SCEL: variants seen among roughly 807,000 people sequenced by gnomAD.
SCEL encodes sciellin.
In SCEL, 113 loss-of-function variants were observed where a neutral mutation model predicts 117.6. The ratio of observed to expected loss-of-function variants is 0.96; its 90% CI spans 0.83 to 1.12. SCEL has a LOEUF of 1.12. Ranked by LOEUF, SCEL falls within the 50% of genes most tolerant of loss-of-function variation. The pLI, the probability that SCEL is intolerant of heterozygous loss-of-function variation, is 0.00. For missense variants in SCEL, 785 were observed against 810.8 expected (o/e 0.97, Z 0.39); for synonymous variants, 270 against 256.2 (o/e 1.05, Z -0.51).
At chr13:77,545,286 A>G (rs2083926660) in intron 1 of SCEL, among the ~76,000 whole-genome samples, 1 of 152,206 alleles carries the variant, frequency 6.6e-6, no homozygotes, top group Admixed American at 6.5e-5. Context: ...AGTTAGCTGA[A>G]CTGAGGCTAC....
At position 77,628,019 on chromosome 13, in the gene SCEL, A is replaced by T; in HGVS notation, c.1691+10A>T. On this transcript the variant is annotated intron_variant, in intron 28 of 32. Transcript: ENST00000349847. ...AAAACAAGAATGGAAGGTAAAGCTT[A>T]TTATAATTCACTTTTTTTCTTATGA... is the stretch of plus-strand genomic sequence containing the variant. The T allele has an allele frequency of 7.1e-7, 1 of 1,402,670 alleles. No homozygotes were observed. The highest frequency in any genetic ancestry group is 9.6e-7 in the Non-Finnish European group (1 of 1,037,640). 86.9% of individuals were successfully genotyped at this position (1,402,670 alleles called of 1,614,324 possible). A position where few individuals can be genotyped will look rare whatever the true frequency, so the allele number is the denominator to read the frequency against.
intron 9 of SCEL, among the ~76,000 whole-genome samples, chr13:77,576,802 T>C (rs2154398279): frequency 6.6e-6 from 1 of 152,328 alleles, no homozygotes; most frequent in African/African-American, 2.4e-5. Flanking sequence ...TTGTGTCCTC[T>C]CTGATTTCTT....
At chr13:77,599,266 C>G in intron 13 of SCEL, 63 bp from the exon 14 acceptor site, 1 of 1,185,714 alleles carries the variant, frequency 8.4e-7, no homozygotes, top group South Asian at 1.4e-5. Flanking sequence ...GGTCTATGTT[C>G]TTATAGAGTT....
chr13:77,587,249 T>G (rs2086616587), intron 9 of SCEL, among the ~76,000 whole-genome samples: 1 of 152,054 alleles, frequency 6.6e-6, no homozygotes, highest in African/African-American at 2.4e-5. Context: ...CTCTTGCTGC[T>G]GTGAATGAGC....
rs2083395671 is a variant in SCEL, at chr13:77,535,758, C to G, written c.-86C>G. 1 of 152,148 alleles carries G rather than the reference C, an allele frequency of 6.6e-6. No homozygotes were observed. Among genetic ancestry groups the G allele is most frequent in the African/African-American group, 2.4e-5 (1 of 41,438 alleles). The allele number at this position is 152,148 out of a possible 1,614,324, so 9.4% of individuals were successfully genotyped here. On this transcript the variant is annotated 5_prime_UTR_variant, in exon 1 of 33. Coordinates refer to ENST00000349847, the MANE Select transcript of SCEL (RefSeq NM_144777.3). Reference sequence around the variant, plus strand: ...AACTCTAGGTTCCCATTTCTTTCAGCCAGATCCTCCCAGGGAATCACTACA... The same window carrying G: ...AACTCTAGGTTCCCATTTCTTTCAGGCAGATCCTCCCAGGGAATCACTACA...
chr13:77,543,630 T>C (rs937175052), intron 1 of SCEL, among the ~76,000 whole-genome samples: 1 of 152,224 alleles, frequency 6.6e-6, no homozygotes, highest in African/African-American at 2.4e-5. Flanking sequence ...ATCTCCATTG[T>C]TGCCATCTTT....
Position 77,640,678 on chromosome 13 carries a change from C to T in SCEL, c.1841C>T (p.Ser614Phe), listed in dbSNP as rs2090516361. 6.5e-7 allele frequency: 1 copy of T among 1,542,772 alleles called. No homozygotes were observed. Among genetic ancestry groups the T allele is most frequent in the African/African-American group, 1.4e-5 (1 of 72,722 alleles). ...TTTAATTGCTTACATTTCTATAGGTCTGTCATTGAAAGAGATATGTGCACT... is the reference window on the plus strand; with the variant it reads ...TTTAATTGCTTACATTTCTATAGGTTTGTCATTGAAAGAGATATGTGCACT... ...IQTVYSTSDRSVIERDMCTYC... is the reference protein window; with the variant it reads ...IQTVYSTSDRFVIERDMCTYC... The change falls in exon 31 of 33, where the codon TCT becomes TTT. Residue 614 changes from serine to phenylalanine, a missense_variant and splice_region_variant. Physicochemically the swap from Ser to Phe is radical, Grantham distance 155. Coordinates refer to ENST00000349847, the MANE Select transcript of SCEL (RefSeq NM_144777.3).
chr13:77,573,613 G>A lies in SCEL; in HGVS notation c.545+1424G>A, dbSNP rs17067960. On this transcript the variant is annotated intron_variant, in intron 9 of 32. Transcript: ENST00000349847. ...TGGTCAATAGACACAAAGAGCTCAA[G>A]TTGCTTTTTTTATATCTGTCATTAC... Among the ~76,000 whole-genome samples the A allele has an allele frequency of 0.012, 1,853 of 152,124 alleles. 105 individuals are homozygous for A. In the East Asian group the frequency reaches 0.13, roughly 11 times the overall value.
At chr13:77,640,910 G>A in intron 31 of SCEL, 126 bp downstream of exon 31, 1 of 521,632 alleles carries the variant, frequency 1.9e-6, no homozygotes, top group Admixed American at 3.6e-5. Context: ...CACATTAATA[G>A]TACACTACTT....
At chr13:77,565,576 G>A (rs896981403) in intron 5 of SCEL, among the ~76,000 whole-genome samples, 1 of 152,212 alleles carries the variant, frequency 6.6e-6, no homozygotes, top group African/African-American at 2.4e-5. Flanking sequence ...GTTAGCAGGA[G>A]CTGAACTTCT....
In SCEL at chr13:77,604,389, T is replaced by A. The variant is rs762711600; in HGVS notation, c.1131T>A (p.Asp377Glu). 1.6e-5 allele frequency: 25 copies of A among 1,577,130 alleles called. No homozygotes were observed. In the South Asian group the frequency reaches 2.5e-4, roughly 16 times the overall value. Reference protein sequence around the residue: ...KKDLDGLIKVDPETNKNITRG... With the variant: ...KKDLDGLIKVEPETNKNITRG... ...ACCTTGATGGGCTTATTAAAGTGGATCCTGAAACAAATAAAAATATTACGA... is the reference window on the plus strand; with the variant it reads ...ACCTTGATGGGCTTATTAAAGTGGAACCTGAAACAAATAAAAATATTACGA... Residue 377 changes from aspartate (D) to glutamate (E), a missense_variant, in exon 19 of 33, where the codon GAT (aspartate) becomes GAA (glutamate). Coordinates refer to ENST00000349847, the MANE Select transcript of SCEL (RefSeq NM_144777.3).
intron 19 of SCEL, among the ~76,000 whole-genome samples, chr13:77,605,494 T>C (rs1374101488): frequency 6.6e-6 from 1 of 152,164 alleles, no homozygotes; most frequent in East Asian, 1.9e-4. Context: ...ATATTCGAAT[T>C]CTGGCTCTAT....
rs1358701207 is a variant in SCEL, at chr13:77,644,335, A to G, written c.*61A>G. On this transcript the variant is annotated 3_prime_UTR_variant, in exon 33 of 33. Transcript: ENST00000349847. ...TTAAGGAATTAAAGTTACAAGTTTT[A>G]TCTTAATAATATGTAATCTAGAAAA... 2 of 1,517,054 alleles carry G rather than the reference A, an allele frequency of 1.3e-6. No homozygotes were observed. The highest frequency in any genetic ancestry group is 2.3e-5 in the South Asian group (2 of 86,930). The allele number at this position is 1,517,054 out of a possible 1,614,324, so 94.0% of individuals were successfully genotyped here.
At chr13:77,613,615 C>T (rs946469636) in intron 23 of SCEL, among the ~76,000 whole-genome samples, 11 of 151,822 alleles carry the variant, frequency 7.2e-5, no homozygotes. Context: ...TTTGGTTCAC[C>T]CTCAGTCACT....
At chr13:77,574,354 G>T in intron 9 of SCEL, among the ~76,000 whole-genome samples, 1 of 152,110 alleles carries the variant, frequency 6.6e-6, no homozygotes, top group East Asian at 1.9e-4. Context: ...CTGATTCTTG[G>T]CTCAGATCCA....
rs753964638 is a variant in SCEL at position 77,599,336 on chromosome 13, G to A, written c.805G>A (p.Gly269Ser). Residue 269 changes from glycine (G) to serine (S), a missense_variant, in exon 14 of 33, where the codon GGT becomes AGT. Coordinates refer to ENST00000349847, the MANE Select transcript of SCEL (RefSeq NM_144777.3). ...AAATCAATACATTTAAAGGAATCAA[G>A]GTCTTGATAGTCTCTTCAGAGCAAA... The part of the protein sequence containing the change: ...KMNKSLNRNQ[G>S]LDSLFRANPK... 3.7e-6 allele frequency: 6 copies of A among 1,611,062 alleles called. No individual in the cohort carries two copies. Among genetic ancestry groups the A allele is most frequent in the Non-Finnish European group, 5.1e-6 (6 of 1,177,826 alleles).
rs781430907 is a variant in SCEL, at chr13:77,589,191, TTTC to T, written c.598_600del (p.Ser200del). On this transcript the variant is annotated inframe_deletion, in exon 10 of 33. Coordinates refer to ENST00000349847, the MANE Select transcript of SCEL (RefSeq NM_144777.3). The stretch of plus-strand genomic sequence containing the variant: ...ATACCTCCAAAGCCCAGTTCTCCTG[TTTC>T]TTCTCCTAACCAGCTGAGACAGGAT... 71 of 1,612,984 alleles carry T rather than the reference TTTC, an allele frequency of 4.4e-5. No individual in the cohort carries two copies. The highest frequency in any genetic ancestry group is 5.5e-5 in the Non-Finnish European group (65 of 1,179,188).
intron 30 of SCEL, among the ~76,000 whole-genome samples, chr13:77,638,898 C>T (rs1439886904): frequency 6.6e-6 from 1 of 152,036 alleles, no homozygotes; most frequent in Non-Finnish European, 1.5e-5. Context: ...ACCAAGCCCA[C>T]CTTGAGAGCT....
At chr13:77,602,243 C>A in intron 16 of SCEL, 119 bp downstream of exon 16, 1 of 734,198 alleles carries the variant, frequency 1.4e-6, no homozygotes, top group Non-Finnish European at 2.2e-6. Context: ...TGCTTTGACC[C>A]ATCAGACCTA....
Sources: gnomAD v4.1 joint callset for allele counts (sites outside exome capture counted in the v4.1 genomes callset) on GRCh38, gnomAD v4.1.1 for gene constraint, MANE v1.5 for transcripts, NCBI Gene and HGNC (gene_info 2026-07-23, HGNC 2026-07-21) for gene names.